The following XPNPEP1 variants were observed in gnomAD, a reference collection of about 807,000 sequenced individuals.
The protein encoded by XPNPEP1 is xaa-Pro aminopeptidase 1.
In XPNPEP1, 39 loss-of-function variants were observed where a neutral mutation model predicts 92.4. The observed-to-expected ratio is 0.42, with a 90% confidence interval of 0.33 to 0.55. XPNPEP1 has a LOEUF of 0.55. Ranked by LOEUF, XPNPEP1 falls within the 20% of genes least tolerant of loss-of-function variation. The pLI, the probability that XPNPEP1 is intolerant of heterozygous loss-of-function variation, is 0.08. For synonymous variants in XPNPEP1, 307 were observed against 299.4 expected (o/e 1.03, Z -0.26); for missense variants, 654 against 856.1 (o/e 0.76, Z 2.95).
chr10:109,868,266 GTAGGGACACACA>G (rs557968855), intron 20 of XPNPEP1, among the ~76,000 whole-genome samples: 126 of 152,202 alleles, frequency 8.3e-4, no homozygotes, highest in African/African-American at 2.9e-3. Flanking sequence ...CTGGCTTTTT[GTAGGGACACACA>G]TAGGCTCATA....
At chr10:109,887,853 C>A (rs957159818) in intron 7 of XPNPEP1, among the ~76,000 whole-genome samples, 196 bp downstream of exon 7, 4 of 152,334 alleles carry the variant, frequency 2.6e-5, no homozygotes, top group Admixed American at 2.6e-4. Flanking sequence ...CAAAGCCAAA[C>A]TAAGTGGCAA....
chr10:109,891,452 C>T (rs1278457598), intron 5 of XPNPEP1: 1 of 300,552 alleles, frequency 3.3e-6, no homozygotes, highest in Non-Finnish European at 6.1e-6. Context: ...GTGAAATGCA[C>T]AGCAATGTGA....
At chr10:109,886,119 T>G in intron 8 of XPNPEP1, 127 bp downstream of exon 8, 1 of 890,956 alleles carries the variant, frequency 1.1e-6, no homozygotes, top group Admixed American at 2.2e-5. Flanking sequence ...CTATACCCAT[T>G]TGGTGACGTA....
intron 9 of XPNPEP1, among the ~76,000 whole-genome samples, chr10:109,883,093 A>C (rs575277678): frequency 6.6e-6 from 1 of 152,272 alleles, no homozygotes; most frequent in East Asian, 1.9e-4. Context: ...CCTCTGAAAA[A>C]TTCGTTCAAT....
intron 8 of XPNPEP1, 32 bp downstream of exon 8, chr10:109,886,214 A>G (rs746815942): frequency 5.0e-6 from 8 of 1,608,604 alleles, no homozygotes; most frequent in Non-Finnish European, 6.8e-6. Context: ...AGATCGGGTA[A>G]CATGCCCAAA....
intron 10 of XPNPEP1, 117 bp downstream of exon 10, chr10:109,882,315 G>T: frequency 8.3e-7 from 1 of 1,206,510 alleles, no homozygotes; most frequent in Admixed American, 2.4e-5. Flanking sequence ...CCTCATCCAT[G>T]GAGACCACAG....
At chr10:109,868,746 T>G in intron 19 of XPNPEP1, 34 bp from the exon 20 acceptor site, 1 of 1,579,948 alleles carries the variant, frequency 6.3e-7, no homozygotes, top group Non-Finnish European at 8.7e-7. Flanking sequence ...ATGCTTTTAC[T>G]CCTCTTTACT....
At chr10:109,891,556 G>C in intron 5 of XPNPEP1, 166 bp downstream of exon 5, 1 of 495,646 alleles carries the variant, frequency 2.0e-6, no homozygotes, top group Non-Finnish European at 3.5e-6. Flanking sequence ...AATGCACATT[G>C]GTACGTATGT....
chr10:109,923,499 C>G lies in XPNPEP1; in HGVS notation c.-66G>C, dbSNP rs1476390053. 1.4e-5 allele frequency: 18 copies of G among 1,286,964 alleles called. No homozygotes were observed. The South Asian group carries it at 3.0e-4, about 22-fold the overall frequency. The allele number at this position is 1,286,964 out of a possible 1,614,324, so 79.7% of individuals were successfully genotyped here. ...ACCAGCTGATCACCCGCGGAAGGGCCGGCGCGAAGGAGGCGCGAGAGCCGG... is the reference window on the plus strand; with the variant it reads ...ACCAGCTGATCACCCGCGGAAGGGCGGGCGCGAAGGAGGCGCGAGAGCCGG... On this transcript the variant is annotated 5_prime_UTR_variant, in exon 1 of 21. Coordinates refer to ENST00000502935, the MANE Select transcript of XPNPEP1 (RefSeq NM_020383.4).
chr10:109,898,110 T>G (rs551157535), intron 3 of XPNPEP1, among the ~76,000 whole-genome samples: 1 of 152,322 alleles, frequency 6.6e-6, no homozygotes, highest in East Asian at 1.9e-4. Context: ...TCTACTTTCA[T>G]CAGCCACAGA....
intron 3 of XPNPEP1, among the ~76,000 whole-genome samples, chr10:109,896,621 C>T (rs1019416513): frequency 1.3e-4 from 19 of 151,860 alleles, no homozygotes; most frequent in African/African-American, 4.6e-4. Context: ...TGTTCCTCAA[C>T]CCCCATCTTA....
chr10:109,892,981 C>A (rs1196795844), intron 4 of XPNPEP1, 31 bp downstream of exon 4: 2 of 1,608,456 alleles, frequency 1.2e-6, no homozygotes, highest in East Asian at 4.5e-5. Context: ...AACAAAGGTG[C>A]AGCAAGAACA....
chr10:109,909,911 G>C lies in XPNPEP1; in HGVS notation c.122-2096C>G, dbSNP rs543313442. Among the ~76,000 whole-genome samples the C allele has an allele frequency of 2.3e-4, 35 of 152,204 alleles. No homozygotes were observed. In the South Asian group the frequency reaches 7.3e-3, roughly 32 times the overall value. On this transcript the variant is annotated intron_variant, in intron 2 of 20. Coordinates refer to ENST00000502935, the MANE Select transcript of XPNPEP1 (RefSeq NM_020383.4). ...CTGCCACTATCTGCATCCCCAACCAGAGTAGTACATTTGTTAAAATGGATT... is the reference window on the plus strand; with the variant it reads ...CTGCCACTATCTGCATCCCCAACCACAGTAGTACATTTGTTAAAATGGATT...
At chr10:109,917,055 AATGTCTACTCTTGGCAGAGTAGACAGGG>A (rs375414710) in intron 1 of XPNPEP1, among the ~76,000 whole-genome samples, 1,607 of 152,204 alleles carry the variant, frequency 0.011, 34 homozygotes, top group African/African-American at 0.036. Context: ...TAATCTAGGG[AATGTCTACTCTTGGCAGAGTAGACAGGG>A]ATGTCTACTC....
intron 19 of XPNPEP1, 62 bp downstream of exon 19, chr10:109,869,891 G>T: frequency 6.5e-7 from 1 of 1,531,010 alleles, no homozygotes; most frequent in Non-Finnish European, 9.0e-7. Context: ...TAGCCAATGA[G>T]GTCTATCCGA....
In XPNPEP1 at chr10:109,882,463, G is replaced by A; in HGVS notation, c.1010C>T (p.Ala337Val). 1 of 1,614,160 alleles carries A rather than the reference G, an allele frequency of 6.2e-7. No individual in the cohort carries two copies. Among genetic ancestry groups the A allele is most frequent in the Non-Finnish European group, 8.5e-7 (1 of 1,179,998 alleles). ...PREKVWVSDK[A>V]SYAVSETIPK... ...GATGGTCTCGCTCACAGCATAGCTG[G>A]CCTTGTCACTGACCCACACCTTCTC... Residue 337 changes from alanine (A) to valine (V), a missense_variant, in exon 10 of 21, where the codon GCC (alanine) becomes GTC (valine). By Grantham distance (64) the Ala-to-Val change is moderately conservative (BLOSUM62 0). Coordinates refer to ENST00000502935, the MANE Select transcript of XPNPEP1 (RefSeq NM_020383.4).
intron 9 of XPNPEP1, chr10:109,883,771 T>A: frequency 3.5e-6 from 1 of 285,642 alleles, no homozygotes; most frequent in Non-Finnish European, 6.5e-6. Context: ...CAGAATTGTA[T>A]AATTGAGCAT....
intron 3 of XPNPEP1, among the ~76,000 whole-genome samples, chr10:109,895,743 G>A (rs1848953375): frequency 6.6e-6 from 1 of 152,232 alleles, no homozygotes; most frequent in Admixed American, 6.5e-5. Flanking sequence ...AAGCACAGCT[G>A]CTGGCTTTTT....
At chr10:109,880,389 A>G (rs1848024840) in intron 11 of XPNPEP1, 151 bp from the exon 12 acceptor site, 6 of 789,070 alleles carry the variant, frequency 7.6e-6, no homozygotes, top group African/African-American at 1.7e-5. Flanking sequence ...ATTTCTGGGA[A>G]GCTGGTGTGT....
Sources: allele counts gnomAD v4.1 joint callset (sites outside exome capture counted in the v4.1 genomes callset), GRCh38; gene constraint gnomAD v4.1.1; transcripts MANE v1.5; gene names NCBI Gene and HGNC (gene_info 2026-07-23, HGNC 2026-07-21).